Variants in PCDH15 observed in about 807,000 individuals in gnomAD.
PCDH15 encodes the protein protocadherin related 15.
In PCDH15, 129 loss-of-function variants were observed where a neutral mutation model predicts 178.5. That is an observed-to-expected ratio of 0.72 (90% CI 0.63 to 0.84). The LOEUF is 0.84. PCDH15 is among the 40% of genes least tolerant of loss of function. PCDH15 has a pLI of 0.00. For missense variants in PCDH15, 2,230 were observed against 2,099.9 expected (o/e 1.06, Z -1.21); for synonymous variants, 800 against 732.0 (o/e 1.09, Z -1.50).
At chr10:55,279,299 G>C (rs1842670694) in intron 1 of PCDH15, among the ~76,000 whole-genome samples, 1 of 152,168 alleles carries the variant, frequency 6.6e-6, no homozygotes, top group Non-Finnish European at 1.5e-5. Context: ...CTGTGTAGTA[G>C]ATGTGCGTGG....
intron 14 of PCDH15, among the ~76,000 whole-genome samples, chr10:54,143,977 A>G (rs559064072): frequency 3.0e-4 from 45 of 152,116 alleles, no homozygotes; most frequent in East Asian, 1.9e-4. Flanking sequence ...TCCTATATAA[A>G]CAATGAACCT....
intron 2 of PCDH15, among the ~76,000 whole-genome samples, chr10:55,160,668 G>A (rs1272726314): frequency 1.3e-5 from 2 of 151,998 alleles, no homozygotes; most frequent in Non-Finnish European, 2.9e-5. Flanking sequence ...CACCTTATAA[G>A]CATCTTGTTG....
At chr10:53,830,180 T>C (rs1564560425) in intron 30 of PCDH15, among the ~76,000 whole-genome samples, 1 of 151,872 alleles carries the variant, frequency 6.6e-6, no homozygotes, top group Non-Finnish European at 1.5e-5. Context: ...CGCATGCCTG[T>C]AATCCCAGCT....
chr10:54,917,653 C>T (rs1180331442), intron 2 of PCDH15, among the ~76,000 whole-genome samples: 1 of 152,144 alleles, frequency 6.6e-6, no homozygotes, highest in Non-Finnish European at 1.5e-5. Flanking sequence ...GCAACCAAGC[C>T]TGCCTCTAAA....
intron 9 of PCDH15, among the ~76,000 whole-genome samples, chr10:54,223,323 A>AG (rs368152108): frequency 0.52 from 62,918 of 121,558 alleles, 18,946 homozygotes; most frequent in Non-Finnish European, 0.68. Flanking sequence ...AAAAAAAAAA[A>AG]AGAGAAATTG....
intron 1 of PCDH15, among the ~76,000 whole-genome samples, chr10:54,725,821 A>G (rs1942412735): frequency 1.3e-5 from 2 of 151,422 alleles, no homozygotes; most frequent in Admixed American, 1.3e-4. Flanking sequence ...TATCACAAAA[A>G]GTTGGAACTG....
intron 23 of PCDH15, among the ~76,000 whole-genome samples, chr10:53,942,729 G>A (rs2086180022): frequency 6.6e-6 from 1 of 152,052 alleles, no homozygotes; most frequent in Admixed American, 6.6e-5. Flanking sequence ...CTGCAGTTGA[G>A]CCTCAGATGA....
rs373736612 is a variant in PCDH15, at chr10:54,170,104, A to G, written c.1590+13340T>C. ...ACCCATCAAGCTCAGCAAATTACCT[A>G]GGCTGTACTGCCACAAAGCTTCACA... On this transcript the variant is annotated intron_variant, in intron 13 of 37. Coordinates refer to ENST00000644397, the MANE Select transcript of PCDH15 (RefSeq NM_001384140.1). Among the ~76,000 whole-genome samples, 340 of 119,034 alleles carry G rather than the reference A, an allele frequency of 2.9e-3. 18 individuals are homozygous for G. The highest frequency in any genetic ancestry group is 0.011 in the African/African-American group (319 of 27,792). The allele number at this position is 119,034 out of a possible 152,430, so 78.1% of individuals were successfully genotyped here. A position where few individuals can be genotyped will look rare whatever the true frequency, so the allele number is the denominator to read the frequency against.
At chr10:53,993,499 T>C (rs1288553460) in intron 21 of PCDH15, among the ~76,000 whole-genome samples, 1 of 152,194 alleles carries the variant, frequency 6.6e-6, no homozygotes. Flanking sequence ...GGTAGTGGTA[T>C]AGGATCCCTG....
At chr10:54,623,085 A>G (rs549388945) in intron 2 of PCDH15, among the ~76,000 whole-genome samples, 1 of 151,986 alleles carries the variant, frequency 6.6e-6, no homozygotes, top group South Asian at 2.1e-4. Flanking sequence ...GTTTTGTTCA[A>G]TTGATTTTAC....
chr10:53,982,037 G>A (rs1026293027), intron 21 of PCDH15, among the ~76,000 whole-genome samples: 6 of 152,170 alleles, frequency 3.9e-5, no homozygotes, highest in African/African-American at 1.4e-4. Context: ...TTCAAAAGAA[G>A]ATATTTATGC....
At chr10:54,756,096 CAA>C (rs1566142589) in intron 1 of PCDH15, among the ~76,000 whole-genome samples, 1 of 146,520 alleles carries the variant, frequency 6.8e-6, no homozygotes, top group African/African-American at 2.5e-5. Context: ...CACACACACA[CAA>C]AATTAGCTGG....
chr10:55,342,944 G>A (rs1844644196), intron 2 of PCDH15, among the ~76,000 whole-genome samples: 3 of 152,074 alleles, frequency 2.0e-5, no homozygotes, highest in Non-Finnish European at 4.4e-5. Context: ...GCAGTATGAT[G>A]GATCTCATAA....
chr10:55,360,856 CAT>C (rs1845210220), intron 2 of PCDH15, among the ~76,000 whole-genome samples: 1 of 151,870 alleles, frequency 6.6e-6, no homozygotes, highest in Admixed American at 6.6e-5. Context: ...TACAAAAATG[CAT>C]AGTTAAGCTC....
chr10:54,571,333 G>GAAAAAAAAAAA (rs60604711), intron 2 of PCDH15, among the ~76,000 whole-genome samples: 1 of 128,574 alleles, frequency 7.8e-6, no homozygotes, highest in Admixed American at 8.2e-5. Flanking sequence ...GACAAAATTT[G>GAAAAAAAAAAA]AAAAAAAAAA....
At chr10:55,222,904 A>T (rs1463979151) in intron 1 of PCDH15, among the ~76,000 whole-genome samples, 2 of 151,938 alleles carry the variant, frequency 1.3e-5, no homozygotes, top group East Asian at 3.9e-4. Context: ...CACAAATTAT[A>T]GTGAAATCTT....
At chr10:54,568,384 T>G (rs1181031952) in intron 2 of PCDH15, among the ~76,000 whole-genome samples, 1 of 152,088 alleles carries the variant, frequency 6.6e-6, no homozygotes, top group Non-Finnish European at 1.5e-5. Context: ...TTTTTGTACA[T>G]AATACATATC....
intron 2 of PCDH15, among the ~76,000 whole-genome samples, chr10:55,005,149 A>G (rs1359925544): frequency 6.6e-6 from 1 of 150,466 alleles, no homozygotes; most frequent in Non-Finnish European, 1.5e-5. Flanking sequence ...AAATGGCAGG[A>G]CTTTTTGAGC....
intron 20 of PCDH15, among the ~76,000 whole-genome samples, chr10:53,996,373 T>G (rs7900452): frequency 0.23 from 34,911 of 152,086 alleles, 4,340 homozygotes; most frequent in East Asian, 0.48. Context: ...TCAGAGCAAC[T>G]TATATGTATC....
Sources: gnomAD v4.1 joint callset for allele counts (sites outside exome capture counted in the v4.1 genomes callset) on GRCh38, gnomAD v4.1.1 for gene constraint, MANE v1.5 for transcripts, NCBI Gene and HGNC (gene_info 2026-07-23, HGNC 2026-07-21) for gene names.